The following MTUS2 variants were observed in gnomAD, a reference collection of about 807,000 sequenced individuals.
The protein encoded by MTUS2 is microtubule associated scaffold protein 2, also known as microtubule-associated tumor suppressor candidate 2.
In MTUS2, 40 loss-of-function variants were observed where a neutral mutation model predicts 114.1. That is an observed-to-expected ratio of 0.35 (90% CI 0.27 to 0.46). The LOEUF is 0.46. Ranked by LOEUF, MTUS2 falls within the 20% of genes least tolerant of loss-of-function variation. The pLI, the probability that MTUS2 is intolerant of heterozygous loss-of-function variation, is 1.00. For missense variants in MTUS2, 1,679 were observed against 1,705.4 expected (o/e 0.98, Z 0.27); for synonymous variants, 688 against 672.0 (o/e 1.02, Z -0.37).
rs199774510 is a variant in MTUS2 at position 29,221,743 on chromosome 13, TAA to T, written c.2645-59959_2645-59958del. Among the ~76,000 whole-genome samples, 1,488 of 152,274 alleles carry T rather than the reference TAA, an allele frequency of 9.8e-3. 13 individuals are homozygous for T. The highest frequency in any genetic ancestry group is 0.013 in the Non-Finnish European group (890 of 68,016). On this transcript the variant is annotated intron_variant, in intron 5 of 15. Transcript: ENST00000612955. ...TTCTTTTTGTTTCTTTAGAAATTCT[TAA>T]AGTTTTACTCCAGTTTACCATTCAT...
intron 3 of MTUS2, among the ~76,000 whole-genome samples, chr13:29,032,033 G>A (rs1886853578): frequency 6.6e-6 from 1 of 152,116 alleles, no homozygotes; most frequent in African/African-American, 2.4e-5. Context: ...GGAGGGAGGG[G>A]AACAGCAACG....
In MTUS2 at chr13:29,480,458, G is replaced by A. The variant is rs1881078619; in HGVS notation, c.3399+94G>A. ...CCACATTAGCAAGAAGTCCTATTCA[G>A]TAGGTGAGCTTTCTGAACAGTTCAC... On this transcript the variant is annotated intron_variant, in intron 10 of 15. Coordinates refer to ENST00000612955, the MANE Select transcript of MTUS2 (RefSeq NM_001033602.4). The surrounding 1 kb of genome is among the most constrained non-coding windows in gnomAD (Gnocchi z 4.4). The A allele has an allele frequency of 1.5e-6, 2 of 1,300,828 alleles. No homozygotes were observed. The highest frequency in any genetic ancestry group is 1.0e-6 in the Non-Finnish European group (1 of 968,620). The allele number at this position is 1,300,828 out of a possible 1,614,324, so 80.6% of individuals were successfully genotyped here.
At chr13:29,385,408 A>G (rs960964999) in intron 8 of MTUS2, among the ~76,000 whole-genome samples, 11 of 152,178 alleles carry the variant, frequency 7.2e-5, no homozygotes, top group Admixed American at 2.6e-4. Context: ...GGAGGCCAAA[A>G]AGTAGAGATG....
At chr13:29,491,043 GT>G (rs1381700314) in intron 11 of MTUS2, among the ~76,000 whole-genome samples, 39 of 151,254 alleles carry the variant, frequency 2.6e-4, no homozygotes, top group African/African-American at 9.0e-4. Context: ...GTTTGTGTGT[GT>G]GTGTGTGGTG....
chr13:29,026,005 A>C lies in MTUS2; in HGVS notation c.1307A>C (p.His436Pro), dbSNP rs760649248. 1.9e-6 allele frequency: 3 copies of C among 1,614,016 alleles called. No individual in the cohort carries two copies. Among genetic ancestry groups the C allele is most frequent in the Non-Finnish European group, 2.5e-6 (3 of 1,179,884 alleles). The change falls in exon 3 of 16, where the codon CAT (histidine) becomes CCT (proline). Residue 436 changes from histidine (H) to proline (P), a missense_variant. His to Pro is a moderately conservative substitution (Grantham distance 77). Transcript: ENST00000612955. ...TSSSFSPGDS[H>P]VAFIPNNLTD... is the part of the protein sequence containing the mutation. ...AGCAGCTTTTCACCAGGTGACAGTC[A>C]TGTGGCTTTTATTCCTAATAATCTG...
chr13:29,091,343 G>T (rs1414058445), intron 4 of MTUS2, among the ~76,000 whole-genome samples: 2 of 152,050 alleles, frequency 1.3e-5, no homozygotes, highest in Non-Finnish European at 2.9e-5. Flanking sequence ...TGCCACAAGG[G>T]TGCCATGGGT....
At chr13:29,161,361 GA>G (rs536944017) in intron 5 of MTUS2, among the ~76,000 whole-genome samples, 1 of 151,146 alleles carries the variant, frequency 6.6e-6, no homozygotes, top group Non-Finnish European at 1.5e-5. Flanking sequence ...ATAATTGAAG[GA>G]AAAAAATAAT....
At chr13:29,342,448 G>C (rs1392128911) in intron 7 of MTUS2, among the ~76,000 whole-genome samples, 1 of 151,994 alleles carries the variant, frequency 6.6e-6, no homozygotes, top group Non-Finnish European at 1.5e-5. Flanking sequence ...TTCTTGATTT[G>C]ATTGTCAGTT....
At chr13:28,873,170 G>A (rs528205515) in intron 2 of MTUS2, among the ~76,000 whole-genome samples, 1 of 152,322 alleles carries the variant, frequency 6.6e-6, no homozygotes, top group Non-Finnish European at 1.5e-5. Flanking sequence ...AGACCCAAAT[G>A]GAAGTGTGGA....
chr13:29,119,103 A>T (rs1458191154), intron 5 of MTUS2, among the ~76,000 whole-genome samples: 3 of 152,246 alleles, frequency 2.0e-5, no homozygotes, highest in African/African-American at 7.2e-5. Flanking sequence ...TATTATTGAT[A>T]GAAATTCATA....
At chr13:29,491,062 TG>T (rs1398673684) in intron 11 of MTUS2, among the ~76,000 whole-genome samples, 2 of 145,164 alleles carry the variant, frequency 1.4e-5, no homozygotes, top group African/African-American at 2.6e-5. Context: ...GTGGGAGGCA[TG>T]GGGATGTGGG....
chr13:29,475,726 T>C (rs1481599010), intron 9 of MTUS2, among the ~76,000 whole-genome samples: 1 of 152,222 alleles, frequency 6.6e-6, no homozygotes, highest in Non-Finnish European at 1.5e-5. Context: ...AAACCATGTT[T>C]GAACAGCTTT....
chr13:28,953,737 T>G (rs1459852497), intron 2 of MTUS2, among the ~76,000 whole-genome samples: 2 of 152,232 alleles, frequency 1.3e-5, no homozygotes, highest in East Asian at 1.9e-4. Context: ...GATTTTCTTC[T>G]TAAGAGCCTA....
intron 5 of MTUS2, among the ~76,000 whole-genome samples, chr13:29,139,635 G>A (rs1363317242): frequency 1.3e-5 from 2 of 151,922 alleles, no homozygotes; most frequent in East Asian, 1.9e-4. Flanking sequence ...TTCACTCTAC[G>A]GTTTGGTCTT....
intron 8 of MTUS2, among the ~76,000 whole-genome samples, chr13:29,437,626 G>C (rs1377900808): frequency 6.6e-6 from 1 of 152,132 alleles, no homozygotes; most frequent in Non-Finnish European, 1.5e-5. Flanking sequence ...AGCAAAATCA[G>C]GGCAGACCAG....
intron 2 of MTUS2, among the ~76,000 whole-genome samples, chr13:28,919,604 A>C (rs1368210731): frequency 2.0e-5 from 3 of 151,834 alleles, no homozygotes; most frequent in Non-Finnish European, 4.4e-5. Flanking sequence ...TTGAATATTG[A>C]TATATTTCTC....
rs555142934 is a variant in MTUS2, at chr13:29,073,154, A to G, written c.2447-27619A>G. 1.7e-3 allele frequency among the ~76,000 whole-genome samples: 266 copies of G among 152,340 alleles called. 1 individual carries two copies. The highest frequency in any genetic ancestry group is 3.4e-3 in the Middle Eastern group (1 of 294). The stretch of plus-strand genomic sequence containing the variant: ...TTCAATGATACAACACGACCCAAAC[A>G]GAAGTGCAAATGCAGACACTCAGGT... On this transcript the variant is annotated intron_variant, in intron 4 of 15. Coordinates refer to ENST00000612955, the MANE Select transcript of MTUS2 (RefSeq NM_001033602.4).
chr13:28,875,596 A>G (rs1212011903), intron 2 of MTUS2, among the ~76,000 whole-genome samples: 1 of 152,226 alleles, frequency 6.6e-6, no homozygotes, highest in Non-Finnish European at 1.5e-5. Context: ...GTAAATCTGC[A>G]CTGTTGAATT....
At chr13:29,470,163 G>A (rs1880172894) in intron 9 of MTUS2, among the ~76,000 whole-genome samples, 1 of 152,028 alleles carries the variant, frequency 6.6e-6, no homozygotes, top group Non-Finnish European at 1.5e-5. Flanking sequence ...CCGCACTGGG[G>A]GAGTTTAATA....
Sources: gnomAD v4.1 joint callset for allele counts (sites outside exome capture counted in the v4.1 genomes callset) on GRCh38, gnomAD v4.1.1 for gene constraint, Gnocchi (gnomAD v3.1) non-coding constraint, MANE v1.5 for transcripts, NCBI Gene and HGNC (gene_info 2026-07-23, HGNC 2026-07-21) for gene names.